The following DCAF1 variants were observed in gnomAD, a reference collection of about 807,000 sequenced individuals.
DCAF1 encodes DDB1- and CUL4-associated factor 1.
Under a neutral mutation model 128.0 loss-of-function variants are expected in DCAF1, and 15 were observed. The ratio of observed to expected loss-of-function variants is 0.12; its 90% CI spans 0.08 to 0.18. DCAF1 has a LOEUF of 0.18. Ranked by LOEUF, DCAF1 falls within the 10% of genes least tolerant of loss-of-function variation. The probability of loss-of-function intolerance (pLI) is 1.00; values close to 1 mark genes in which losing one functional copy is unlikely to be tolerated. For synonymous variants in DCAF1, 610 were observed against 603.0 expected, an observed-to-expected ratio of 1.01 and a Z score of -0.17; for missense variants, 988 against 1,649.5, an observed-to-expected ratio of 0.60 and a Z score of 6.95.
chr3:51,457,524 C>A (rs1410021548), intron 6 of DCAF1, among the ~76,000 whole-genome samples: 1 of 152,178 alleles, frequency 6.6e-6, no homozygotes, highest in Admixed American at 6.5e-5. Context: ...CCCAATCTAG[C>A]AAGGCAGGCC....
intron 3 of DCAF1, among the ~76,000 whole-genome samples, chr3:51,482,041 A>C (rs1398871783): frequency 6.6e-6 from 1 of 152,182 alleles, no homozygotes; most frequent in Non-Finnish European, 1.5e-5. Context: ...CATTCAGTTT[A>C]AAACCAAGGT....
chr3:51,413,267 T>C lies in DCAF1; in HGVS notation c.4036+15A>G, dbSNP rs1698593271. 1 of 1,610,800 alleles carries C rather than the reference T, an allele frequency of 6.2e-7. No individual in the cohort carries two copies. Among genetic ancestry groups the C allele is most frequent in the South Asian group, 1.1e-5 (1 of 90,450 alleles). ...AACACGACAAAATGTTCAATGTCTG[T>C]CCCTTTCTGCTTACCTATAGGTTTG... On this transcript the variant is annotated intron_variant, in intron 21 of 24. Transcript: ENST00000684031.
chr3:51,455,921 G>A (rs932416611), intron 6 of DCAF1, among the ~76,000 whole-genome samples: 3 of 151,960 alleles, frequency 2.0e-5, no homozygotes, highest in South Asian at 2.1e-4. Context: ...AAAAAGATCC[G>A]GGGGAGGAGC....
At chr3:51,437,287 A>AAG (rs879969662) in intron 9 of DCAF1, 222 of 387,510 alleles carry the variant, frequency 5.7e-4, no homozygotes, top group East Asian at 4.3e-3. Context: ...AAAAAAAAAA[A>AAG]AAAGAAAGAA....
intron 23 of DCAF1, among the ~76,000 whole-genome samples, chr3:51,405,440 T>C (rs1553626287): frequency 6.6e-6 from 1 of 152,212 alleles, no homozygotes; most frequent in Non-Finnish European, 1.5e-5. Context: ...CTTAATTTTA[T>C]AGCAGAAGAA....
chr3:51,490,806 A>C (rs1707546044), intron 2 of DCAF1, among the ~76,000 whole-genome samples: 1 of 152,042 alleles, frequency 6.6e-6, no homozygotes, highest in African/African-American at 2.4e-5. Flanking sequence ...GACGCCTGTA[A>C]TCCCGGCTAT....
chr3:51,404,742 G>A (rs1559470599), intron 23 of DCAF1, among the ~76,000 whole-genome samples: 2 of 152,140 alleles, frequency 1.3e-5, no homozygotes, highest in African/African-American at 2.4e-5. Flanking sequence ...TACCAGATTC[G>A]GTGGGAGCAT....
chr3:51,500,987 T>A (rs1708778152), upstream of DCAF1, among the ~76,000 whole-genome samples: 1 of 152,120 alleles, frequency 6.6e-6, no homozygotes, highest in South Asian at 2.1e-4. Context: ...GGCTAATTTT[T>A]AAAAATTTTT....
chr3:51,446,692 G>A (rs1445184353), intron 6 of DCAF1, among the ~76,000 whole-genome samples: 2 of 151,838 alleles, frequency 1.3e-5, no homozygotes. Flanking sequence ...GTGCACAGTG[G>A]CTCACACCTG....
chr3:51,477,477 T>C (rs1261279822), intron 3 of DCAF1, among the ~76,000 whole-genome samples: 1 of 143,002 alleles, frequency 7.0e-6, no homozygotes, highest in Non-Finnish European at 1.5e-5. Flanking sequence ...AAAAAAAAAA[T>C]ACAAAAATTA....
At position 51,483,812 on chromosome 3, in the gene DCAF1, A is replaced by G; in HGVS notation, c.17T>C (p.Val6Ala). 1 of 1,613,770 alleles carries G rather than the reference A, an allele frequency of 6.2e-7. No individual in the cohort carries two copies. The highest frequency in any genetic ancestry group is 8.5e-7 in the Non-Finnish European group (1 of 1,179,726). ...GAGCTCAGCTTTGGAGTCCACATGT[A>G]CCACTACTGTAGTCATGGCTTTGCC... The part of the protein sequence containing the change: MTTVV[V>A]HVDSKAELTT... Residue 6 changes from valine to alanine, a missense_variant, in exon 3 of 25, where the codon GTA becomes GCA. Transcript: ENST00000684031.
chr3:51,416,896 G>C, intron 17 of DCAF1, 25 bp from the exon 18 acceptor site: 1 of 1,590,148 alleles, frequency 6.3e-7, no homozygotes, highest in Non-Finnish European at 8.6e-7. Context: ...CAGGAGCACT[G>C]AAGTGACAGA....
At chr3:51,446,429 C>T (rs1701861033) in intron 6 of DCAF1, among the ~76,000 whole-genome samples, 1 of 152,008 alleles carries the variant, frequency 6.6e-6, no homozygotes, top group Non-Finnish European at 1.5e-5. Context: ...GAGTTTGAAA[C>T]CAGCCTAGGC....
chr3:51,460,318 A>G (rs1236967703), intron 6 of DCAF1, among the ~76,000 whole-genome samples: 2 of 152,198 alleles, frequency 1.3e-5, no homozygotes, highest in East Asian at 1.9e-4. Context: ...CAACTGCTTC[A>G]AAGAGAATAA....
At chr3:51,422,023 T>C (rs1025563025) in intron 14 of DCAF1, among the ~76,000 whole-genome samples, 1 of 152,176 alleles carries the variant, frequency 6.6e-6, no homozygotes, top group East Asian at 1.9e-4. Context: ...TATACCATTA[T>C]AGCAGAAATG....
rs370980906 is a variant in DCAF1, at chr3:51,440,942, G to A, written c.1128+28C>T. The A allele has an allele frequency of 1.5e-4, 238 of 1,564,330 alleles. No individual in the cohort carries two copies. In the African/African-American group the frequency reaches 2.5e-3, roughly 16 times the overall value. ...AAAACAAAGTTTTTAAAAAATCCCC[G>A]GTGACCCAATATTTTTAAGAACTTT... is the stretch of plus-strand genomic sequence containing the variant. On this transcript the variant is annotated intron_variant, in intron 9 of 24. Transcript: ENST00000684031.
chr3:51,495,997 GAA>G (rs1304757862), intron 2 of DCAF1, among the ~76,000 whole-genome samples: 3 of 138,316 alleles, frequency 2.2e-5, no homozygotes, highest in African/African-American at 2.7e-5. Flanking sequence ...TTGTCTCAAG[GAA>G]AAAAAAAAAA....
intron 3 of DCAF1, among the ~76,000 whole-genome samples, chr3:51,472,492 T>G (rs1704870675): frequency 6.6e-6 from 1 of 151,986 alleles, no homozygotes; most frequent in Non-Finnish European, 1.5e-5. Context: ...CCTCAAGCAA[T>G]CCTCCTGCCT....
chr3:51,485,443 C>CA (rs1706820024), intron 2 of DCAF1, among the ~76,000 whole-genome samples: 1 of 152,100 alleles, frequency 6.6e-6, no homozygotes, highest in Non-Finnish European at 1.5e-5. Context: ...TTTGGAGGAC[C>CA]AAATAAGACA....
Sources: allele counts gnomAD v4.1 joint callset (sites outside exome capture counted in the v4.1 genomes callset), GRCh38; gene constraint gnomAD v4.1.1; transcripts MANE v1.5; gene names NCBI Gene and HGNC (gene_info 2026-07-23, HGNC 2026-07-21).